EPHA4: variants seen among roughly 807,000 people sequenced by gnomAD.
EPHA4 encodes ephrin type-A receptor 4.
EPHA4 carries 19 observed loss-of-function variants against 108.3 expected under a neutral mutation model. The observed-to-expected ratio is 0.18, with a 90% CI of 0.12 to 0.26. The LOEUF (loss-of-function observed/expected upper bound fraction) is 0.26. Among genes scored for constraint, EPHA4 ranks in the 10% least tolerant of loss-of-function variants. The probability of loss-of-function intolerance (pLI) is 1.00; values close to 1 mark genes in which losing one functional copy is unlikely to be tolerated. For synonymous variants in EPHA4, 449 were observed against 455.5 expected (o/e 0.99, Z 0.18); for missense variants, 917 against 1,254.0 (o/e 0.73, Z 4.06).
chr2:221,564,952 T>C (rs890994861), intron 2 of EPHA4, among the ~76,000 whole-genome samples: 1 of 144,916 alleles, frequency 6.9e-6, no homozygotes, highest in Admixed American at 6.9e-5. Flanking sequence ...TCTTTAAAGG[T>C]GAAAAGAAAA....
intron 3 of EPHA4, among the ~76,000 whole-genome samples, chr2:221,551,339 T>A (rs559428678): frequency 2.6e-4 from 39 of 152,230 alleles, no homozygotes; most frequent in Middle Eastern, 6.8e-3. Context: ...TTGGAAAAAC[T>A]CAATGGGTTG....
intron 4 of EPHA4, among the ~76,000 whole-genome samples, chr2:221,484,639 A>G (rs1198098651): frequency 1.3e-5 from 2 of 152,342 alleles, no homozygotes; most frequent in Non-Finnish European, 2.9e-5. Context: ...TGCTTTTTGA[A>G]TAAATGAAGT....
chr2:221,454,990 T>C (rs1003868521), intron 8 of EPHA4, among the ~76,000 whole-genome samples: 1 of 152,204 alleles, frequency 6.6e-6, no homozygotes, highest in Admixed American at 6.5e-5. Flanking sequence ...GAAGTACCCA[T>C]TTCTTTGCTT....
intron 3 of EPHA4, among the ~76,000 whole-genome samples, chr2:221,537,161 C>G (rs1347037067): frequency 6.6e-6 from 1 of 152,126 alleles, no homozygotes; most frequent in South Asian, 2.1e-4. Context: ...CTGCAAAAAA[C>G]AAGCAAGGCC....
chr2:221,546,254 T>C, intron 3 of EPHA4, among the ~76,000 whole-genome samples: 1 of 152,098 alleles, frequency 6.6e-6, no homozygotes, highest in Admixed American at 6.5e-5. Flanking sequence ...AAGGCTTAAG[T>C]TGGGAGTAGG....
At chr2:221,505,463 T>A (rs980305581) in intron 3 of EPHA4, among the ~76,000 whole-genome samples, 1 of 151,964 alleles carries the variant, frequency 6.6e-6, no homozygotes, top group Non-Finnish European at 1.5e-5. Flanking sequence ...GTAGCTGGGA[T>A]TACAGGCGCC....
At chr2:221,481,527 G>A (rs1370398916) in intron 5 of EPHA4, among the ~76,000 whole-genome samples, 2 of 152,024 alleles carry the variant, frequency 1.3e-5, no homozygotes, top group African/African-American at 2.4e-5. Flanking sequence ...GGTGGCACCC[G>A]CCTGTAGTCC....
At chr2:221,567,517 G>A (rs1694702794) in intron 2 of EPHA4, among the ~76,000 whole-genome samples, 1 of 152,188 alleles carries the variant, frequency 6.6e-6, no homozygotes, top group Admixed American at 6.5e-5. Flanking sequence ...TTTAAGGGCA[G>A]ACTGGAATTT....
chr2:221,488,210 G>A (rs906817941), intron 4 of EPHA4, among the ~76,000 whole-genome samples: 16 of 152,086 alleles, frequency 1.1e-4, no homozygotes, highest in Non-Finnish European at 1.6e-4. Flanking sequence ...AGACCATTTC[G>A]TGCTATTGAA....
chr2:221,462,201 A>C (rs1307706091), intron 5 of EPHA4, among the ~76,000 whole-genome samples: 1 of 152,078 alleles, frequency 6.6e-6, no homozygotes, highest in Non-Finnish European at 1.5e-5. Context: ...TAGCATGGTT[A>C]AAGAAAGATG....
chr2:221,446,669 G>T (rs1156788286), intron 8 of EPHA4, among the ~76,000 whole-genome samples: 1 of 152,078 alleles, frequency 6.6e-6, no homozygotes, highest in Non-Finnish European at 1.5e-5. Context: ...GCTATAACCA[G>T]ATAACTACTA....
chr2:221,506,137 G>A (rs1375845201), intron 3 of EPHA4, among the ~76,000 whole-genome samples: 1 of 152,030 alleles, frequency 6.6e-6, no homozygotes, highest in Admixed American at 6.6e-5. Context: ...ATGATACTAG[G>A]CACACATGAC....
intron 3 of EPHA4, among the ~76,000 whole-genome samples, chr2:221,521,091 C>T (rs999056769): frequency 6.6e-6 from 1 of 152,190 alleles, no homozygotes; most frequent in African/African-American, 2.4e-5. Flanking sequence ...ATTTCATACA[C>T]AACAAGGCTT....
At chr2:221,570,969 C>G (rs1694818343) in intron 1 of EPHA4, among the ~76,000 whole-genome samples, 1 of 152,102 alleles carries the variant, frequency 6.6e-6, no homozygotes, top group South Asian at 2.1e-4. Flanking sequence ...GAATGAGAGA[C>G]GGATGTGAGA....
intron 4 of EPHA4, among the ~76,000 whole-genome samples, chr2:221,484,098 T>C (rs762905012): frequency 2.6e-5 from 4 of 152,204 alleles, no homozygotes; most frequent in Non-Finnish European, 5.9e-5. Flanking sequence ...TGCAGGAAAT[T>C]AGTACAAGTT....
At chr2:221,421,133 T>C (rs912426516) in intron 17 of EPHA4, among the ~76,000 whole-genome samples, 5 of 151,938 alleles carry the variant, frequency 3.3e-5, no homozygotes, top group Non-Finnish European at 7.4e-5. Flanking sequence ...CCGTCTCTAC[T>C]AAAAATACAA....
intron 5 of EPHA4, among the ~76,000 whole-genome samples, chr2:221,459,301 C>A (rs1406868518): frequency 1.6e-5 from 2 of 126,746 alleles, no homozygotes; most frequent in Non-Finnish European, 3.4e-5. Context: ...CACACACACA[C>A]ACACACACCC....
chr2:221,507,786 G>A (rs944055073), intron 3 of EPHA4, among the ~76,000 whole-genome samples: 1 of 152,142 alleles, frequency 6.6e-6, no homozygotes, highest in African/African-American at 2.4e-5. Context: ...CTCTAGTCTG[G>A]ACATTAGCTA....
chr2:221,455,560 C>A lies in EPHA4; in HGVS notation c.1702G>T (p.Val568Phe), dbSNP rs1195527152. The A allele has an allele frequency of 2.5e-6, 4 of 1,613,796 alleles. No homozygotes were observed. In the Admixed American group the frequency reaches 5.0e-5, roughly 20 times the overall value. Residue 568 changes from valine (V) to phenylalanine (F), a missense_variant, in exon 8 of 18, where the codon GTC becomes TTC. Physicochemically the swap from Val to Phe is conservative, Grantham distance 50 (BLOSUM62 -1). Around this residue, in one of 3 missense-constraint regions of EPHA4, gnomAD observed 758 missense variants for 1,076.7 expected, o/e 0.70. Transcript: ENST00000281821. ...TTCAGTGCTTACCTCCGGCTGATGACAAAAGCTGCAATGAGAATTACCACC... is the reference window on the plus strand; with the variant it reads ...TTCAGTGCTTACCTCCGGCTGATGAAAAAAGCTGCAATGAGAATTACCACC... The part of the protein sequence containing the change: ...VLVVILIAAF[V>F]ISRRRSKYSK...
Sources: gnomAD v4.1 joint callset for allele counts (sites outside exome capture counted in the v4.1 genomes callset) on GRCh38, gnomAD v4.1.1 for gene constraint, gnomAD v4.1.1 regional missense constraint, MANE v1.5 for transcripts, NCBI Gene and HGNC (gene_info 2026-07-23, HGNC 2026-07-21) for gene names.